ZNF75D: variants seen among roughly 807,000 people sequenced by gnomAD.
ZNF75D encodes zinc finger protein 75D, also known as zinc finger protein 75.
A neutral mutation model predicts 33.3 loss-of-function variants in ZNF75D; 33 were observed. The ratio of observed to expected loss-of-function variants is 0.99; its 90% CI spans 0.75 to 1.32. The LOEUF is 1.32. Ranked by LOEUF, ZNF75D falls within the 40% of genes most tolerant of loss-of-function variation. ZNF75D has a pLI of 0.00. For missense variants in ZNF75D, 338 were observed against 367.5 expected (o/e 0.92, Z 0.66); for synonymous variants, 113 against 130.6 (o/e 0.87, Z 0.92).
At chrX:135,292,651 G>A (rs1484117583) in intron 3 of ZNF75D, among the ~76,000 whole-genome samples, 178 bp from the exon 4 acceptor site, 4 of 112,085 alleles carry the variant, frequency 3.6e-5, no homozygotes, top group African/African-American at 1.3e-4. Flanking sequence ...CTCAAAATCT[G>A]GGATAATTAG....
chrX:135,326,582 C>A (rs1354416506), intron 1 of ZNF75D, among the ~76,000 whole-genome samples: 1 of 111,998 alleles, frequency 8.9e-6, no homozygotes, highest in Non-Finnish European at 1.9e-5. Context: ...CACTTGGGTC[C>A]CCTTCCACAC....
chrX:135,268,518 T>C (rs189497893), intron 1 of ZNF75D, among the ~76,000 whole-genome samples: 7 of 110,053 alleles, frequency 6.4e-5, no homozygotes, highest in African/African-American at 2.3e-4. Flanking sequence ...AGAAATAAAA[T>C]TAAATACCTA....
At chrX:135,267,600 T>A (rs1556416459) in intron 1 of ZNF75D, among the ~76,000 whole-genome samples, 1 of 110,503 alleles carries the variant, frequency 9.0e-6, no homozygotes, top group African/African-American at 3.3e-5. Context: ...CAACAACAAG[T>A]AAGGAGCAAA....
At position 135,286,984 on chromosome X, in the gene ZNF75D, C is replaced by T. The variant is rs186491157; in HGVS notation, c.*153G>A. 8.5e-6 allele frequency: 4 copies of T among 468,401 alleles called. No individual in the cohort carries two copies. The highest frequency in any genetic ancestry group is 7.2e-5 in the African/African-American group (3 of 41,488). 38.6% of individuals were successfully genotyped at this position (468,401 alleles called of 1,213,427 possible). A position where few individuals can be genotyped will look rare whatever the true frequency, so the allele number is the denominator to read the frequency against. ...TGTGCTAGGCACAGAAGATGCAATG[C>T]TGAATAAAACAGACAGCTTAGATTC... On this transcript the variant is annotated 3_prime_UTR_variant, in exon 7 of 7. Transcript: ENST00000370766.
At chrX:135,337,713 C>T (rs782361225) in intron 1 of ZNF75D, among the ~76,000 whole-genome samples, 1 of 110,839 alleles carries the variant, frequency 9.0e-6, no homozygotes, top group East Asian at 2.9e-4. Context: ...AAAGAGAATT[C>T]TCCAAGCAGT....
intron 1 of ZNF75D, among the ~76,000 whole-genome samples, chrX:135,261,411 A>G (rs1465454105): frequency 8.9e-6 from 1 of 111,773 alleles, no homozygotes; most frequent in African/African-American, 3.3e-5. Context: ...AAAGTGTCCC[A>G]TTATTATTGT....
At chrX:135,257,069 C>T (rs943400704) in intron 1 of ZNF75D, among the ~76,000 whole-genome samples, 1 of 111,555 alleles carries the variant, frequency 9.0e-6, no homozygotes, top group Admixed American at 9.4e-5. Flanking sequence ...GGCTCTGAGG[C>T]GTGCTGACTT....
intron 1 of ZNF75D, among the ~76,000 whole-genome samples, chrX:135,310,915 G>A (rs1187981704): frequency 9.0e-6 from 1 of 111,109 alleles, no homozygotes; most frequent in Non-Finnish European, 1.9e-5. Context: ...AGGGTTTAGA[G>A]GACATCCAGG....
At chrX:135,283,828 G>T, downstream of ZNF75D, among the ~76,000 whole-genome samples, 1 of 111,617 alleles carries the variant, frequency 9.0e-6, no homozygotes, top group African/African-American at 3.3e-5. Flanking sequence ...GTCATTGTTT[G>T]CTGGGAGGGA....
intron 5 of ZNF75D, 29 bp downstream of exon 5, chrX:135,291,443 C>A (rs1556421209): frequency 8.3e-7 from 1 of 1,208,565 alleles, no homozygotes; most frequent in African/African-American, 1.7e-5. Context: ...AGTCAAGTCA[C>A]CTGAAAAAAG....
In ZNF75D at chrX:135,326,929, C is replaced by T. The variant is rs1431742261; in HGVS notation, c.-391+14839G>A. Among the ~76,000 whole-genome samples the T allele has an allele frequency of 3.5e-5, 4 of 112,736 alleles. No homozygotes were observed. In the East Asian group the frequency reaches 8.4e-4, roughly 24 times the overall value. ...CTATAACACTCACCGCGAGAGTCCG[C>T]GGCTTCATTCTTGAAGTCAGTGAGA... On this transcript the variant is annotated intron_variant, in intron 1 of 6. Transcript: ENST00000370766.
chrX:135,267,583 A>G (rs1225544508), intron 1 of ZNF75D, among the ~76,000 whole-genome samples: 2 of 111,724 alleles, frequency 1.8e-5, no homozygotes, highest in Non-Finnish European at 3.8e-5. Flanking sequence ...CCAAAACCTG[A>G]GCAGATCAAC....
Position 135,249,180 on chromosome X carries a change from G to A in ZNF75D, n.1418C>T, listed in dbSNP as rs782098478. 11 of 322,391 alleles carry A rather than the reference G, an allele frequency of 3.4e-5. 1 individual carries two copies. The highest frequency in any genetic ancestry group is 6.0e-5 in the Non-Finnish European group (10 of 166,219). 26.6% of individuals were successfully genotyped at this position (322,391 alleles called of 1,213,427 possible). On this transcript the variant is annotated non_coding_transcript_exon_variant, in exon 4 of 4. Transcript: ENST00000494295. ...ATTTAGAGGCCAGGCTGGGTCTTAA[G>A]TATTCATCCACCTTCCTCCTGATGC...
intron 1 of ZNF75D, among the ~76,000 whole-genome samples, chrX:135,272,766 G>T (rs1305001093): frequency 9.0e-6 from 1 of 111,367 alleles, no homozygotes; most frequent in Non-Finnish European, 1.9e-5. Context: ...AAACACTTCA[G>T]CTATGACAGG....
At position 135,291,564 on chromosome X, in the gene ZNF75D, C is replaced by G. The variant is rs970792099; in HGVS notation, c.605-1G>C. The G allele has an allele frequency of 4.2e-6, 5 of 1,204,571 alleles. No individual in the cohort carries two copies. Among genetic ancestry groups the G allele is most frequent in the Non-Finnish European group, 5.6e-6 (5 of 891,813 alleles). On this transcript the variant is annotated splice_acceptor_variant, in intron 4 of 6. Transcript: ENST00000370766. LOFTEE classifies it high-confidence loss of function. ...GCTAACATCTGTTGATCATGCACAGCTGTGGGTAGAAAATAGCCAGGGAAA... is the reference window on the plus strand; with the variant it reads ...GCTAACATCTGTTGATCATGCACAGGTGTGGGTAGAAAATAGCCAGGGAAA...
intron 1 of ZNF75D, among the ~76,000 whole-genome samples, chrX:135,266,949 A>G (rs2083865118): frequency 8.9e-6 from 1 of 112,055 alleles, no homozygotes; most frequent in Non-Finnish European, 1.9e-5. Flanking sequence ...ACTAGAAATC[A>G]ACAAGAAGAT....
intron 1 of ZNF75D, chrX:135,327,922 A>G (rs1483432212): frequency 5.4e-5 from 6 of 111,966 alleles, no homozygotes; most frequent in African/African-American, 2.0e-4. Flanking sequence ...ATTCATGTAA[A>G]TGGGGTGTTT....
At position 135,287,792 on chromosome X, in the gene ZNF75D, G is replaced by A; in HGVS notation, c.878C>T (p.Ser293Leu). The A allele has an allele frequency of 8.3e-7, 1 of 1,210,207 alleles. No homozygotes were observed. The highest frequency in any genetic ancestry group is 1.1e-6 in the Non-Finnish European group (1 of 894,828). The change falls in exon 7 of 7, where the codon TCA (serine) becomes TTA (leucine). Residue 293 changes from serine to leucine, a missense_variant. This residue lies in a region of ZNF75D where 254 missense variants were observed against 267.7 expected (regional missense o/e 0.95). Transcript: ENST00000370766. ...GNDHPISVST[S>L]EIQTSGCEVS... ...TTCGCATCCTGATGTTTGTATTTCT[G>A]ATGTAGAAACAGATATAGGATGATC...
In ZNF75D at chrX:135,326,137, A is replaced by G. The variant is rs150514763; in HGVS notation, c.-391+15631T>C. Among the ~76,000 whole-genome samples, 1,049 of 110,134 alleles carry G rather than the reference A, an allele frequency of 9.5e-3. 36 individuals are homozygous for G. In the East Asian group the frequency reaches 0.13, roughly 14 times the overall value. ...TAGCTCAAGGTTTGTAAACACACCA[A>G]TCAGCACCCTGTGTCTAGCTCAGGG... On this transcript the variant is annotated intron_variant, in intron 1 of 6. Transcript: ENST00000370766.
Sources: gnomAD v4.1 joint callset for allele counts (sites outside exome capture counted in the v4.1 genomes callset) on GRCh38, gnomAD v4.1.1 for gene constraint, gnomAD v4.1.1 regional missense constraint, MANE v1.5 for transcripts, NCBI Gene and HGNC (gene_info 2026-07-23, HGNC 2026-07-21) for gene names.